The following OPCML variants were observed in gnomAD, a reference collection of about 807,000 sequenced individuals.
The protein encoded by OPCML is opioid binding protein/cell adhesion molecule like.
Under a neutral mutation model 37.8 loss-of-function variants are expected in OPCML, and 13 were observed. That is an observed-to-expected ratio of 0.34 (90% CI 0.22 to 0.55). The LOEUF (loss-of-function observed/expected upper bound fraction) is 0.55. OPCML is among the 20% of genes least tolerant of loss of function. The pLI, the probability that OPCML is intolerant of heterozygous loss-of-function variation, is 0.91. For synonymous variants in OPCML, 176 were observed against 168.8 expected (o/e 1.04, Z -0.33); for missense variants, 341 against 435.6 (o/e 0.78, Z 1.93).
At chr11:133,530,198 G>A (rs938870167) in intron 1 of OPCML, among the ~76,000 whole-genome samples, 18 of 152,088 alleles carry the variant, frequency 1.2e-4, no homozygotes, top group African/African-American at 3.6e-4. Context: ...CTTTAGTTTC[G>A]GGTACTTCTC....
intron 1 of OPCML, among the ~76,000 whole-genome samples, chr11:133,200,054 T>C (rs1349189192): frequency 1.3e-5 from 2 of 152,166 alleles, no homozygotes; most frequent in East Asian, 3.9e-4. Flanking sequence ...AGCCAAATAG[T>C]TCTGCATTGC....
rs904754038 is a variant in OPCML at position 133,531,179 on chromosome 11, C to T, written c.61+1085G>A. Among the ~76,000 whole-genome samples, 6 of 152,160 alleles carry T rather than the reference C, an allele frequency of 3.9e-5. No individual in the cohort carries two copies. In the East Asian group the frequency reaches 1.2e-3, roughly 29 times the overall value. On this transcript the variant is annotated intron_variant, in intron 1 of 7. Coordinates refer to ENST00000524381, the MANE Select transcript of OPCML (RefSeq NM_001012393.5). ...AAAACCTTGGCAAGCATAACCTAGC[C>T]CCTTCGGCATTGTTTGAAAGATGCC...
intron 1 of OPCML, chr11:133,360,183 G>A (rs1944382072): frequency 6.6e-6 from 1 of 152,232 alleles, no homozygotes; most frequent in Non-Finnish European, 1.5e-5. Flanking sequence ...TATCCAGGAA[G>A]GGAAATGTAT....
At chr11:133,024,947 G>A in intron 1 of OPCML, 2 of 985,398 alleles carry the variant, frequency 2.0e-6, no homozygotes. Context: ...CTGAACCAAT[G>A]CGCACTGCAG....
At chr11:132,898,043 G>A (rs1943913468) in intron 2 of OPCML, among the ~76,000 whole-genome samples, 1 of 152,142 alleles carries the variant, frequency 6.6e-6, no homozygotes, top group Non-Finnish European at 1.5e-5. Flanking sequence ...GTGGGCTCAG[G>A]AACAAAGTGG....
At chr11:132,427,075 C>T (rs780865353) in intron 7 of OPCML, among the ~76,000 whole-genome samples, 4 of 152,144 alleles carry the variant, frequency 2.6e-5, no homozygotes, top group Admixed American at 1.3e-4. Flanking sequence ...AATATGACAT[C>T]GATCTCCAGC....
intron 1 of OPCML, among the ~76,000 whole-genome samples, chr11:133,398,938 T>C (rs1592264996): frequency 1.3e-5 from 2 of 152,330 alleles, no homozygotes; most frequent in African/African-American, 4.8e-5. Flanking sequence ...ACATCCATTC[T>C]GCAAGATATC....
chr11:133,294,025 G>A (rs1209445895), intron 1 of OPCML, among the ~76,000 whole-genome samples: 1 of 152,070 alleles, frequency 6.6e-6, no homozygotes, highest in Non-Finnish European at 1.5e-5. Context: ...TGGATCTTCT[G>A]TGTGAGAAGA....
intron 1 of OPCML, among the ~76,000 whole-genome samples, chr11:133,363,296 T>G (rs999615861): frequency 2.0e-5 from 3 of 152,098 alleles, no homozygotes; most frequent in Admixed American, 6.5e-5. Context: ...CAGAACATGA[T>G]CGTGGAAACG....
chr11:133,131,307 C>T (rs781323692), intron 1 of OPCML, among the ~76,000 whole-genome samples: 2 of 152,098 alleles, frequency 1.3e-5, no homozygotes, highest in Admixed American at 1.3e-4. Context: ...AGTCACAGAC[C>T]TTACGTCTTT....
At chr11:133,078,931 G>A (rs891447262) in intron 1 of OPCML, among the ~76,000 whole-genome samples, 1 of 152,060 alleles carries the variant, frequency 6.6e-6, no homozygotes, top group Non-Finnish European at 1.5e-5. Flanking sequence ...GGTTATAAAC[G>A]ACAGATTTTA....
intron 1 of OPCML, among the ~76,000 whole-genome samples, chr11:133,051,019 C>T (rs1948120093): frequency 6.6e-6 from 1 of 151,432 alleles, no homozygotes; most frequent in Admixed American, 6.6e-5. Context: ...CATCTCAGAC[C>T]AGCCTTGCCT....
intron 1 of OPCML, among the ~76,000 whole-genome samples, chr11:133,017,249 G>T (rs1947351057): frequency 1.3e-5 from 2 of 151,946 alleles, no homozygotes; most frequent in South Asian, 4.2e-4. Context: ...CCTCCCAAAG[G>T]CTCTTCCTTC....
chr11:133,444,223 A>C (rs1946425147), intron 1 of OPCML, among the ~76,000 whole-genome samples: 1 of 152,178 alleles, frequency 6.6e-6, no homozygotes, highest in Admixed American at 6.5e-5. Flanking sequence ...GGACGTAGAG[A>C]ATGAACTGCT....
chr11:132,498,766 C>T (rs144168550), intron 4 of OPCML, among the ~76,000 whole-genome samples: 1 of 130,092 alleles, frequency 7.7e-6, no homozygotes, highest in African/African-American at 3.3e-5. Context: ...GCATATAGGA[C>T]CCGAAGAACC....
rs1368625434 is a variant in OPCML, at chr11:133,418,399, T to C, written c.61+113865A>G. 16 of 985,120 alleles carry C rather than the reference T, an allele frequency of 1.6e-5. 1 individual carries two copies. The highest frequency in any genetic ancestry group is 6.2e-5 in the Admixed American group (1 of 16,258). The allele number at this position is 985,120 out of a possible 1,614,324, so 61.0% of individuals were successfully genotyped here. ...TTCAGAAGCCACCTAAATAGATTGG[T>C]GATTGATTGGTGGTTTTTAGAACTG... On this transcript the variant is annotated intron_variant, in intron 1 of 7. Transcript: ENST00000524381.
intron 1 of OPCML, among the ~76,000 whole-genome samples, chr11:133,388,986 G>A (rs937294900): frequency 4.6e-5 from 7 of 152,168 alleles, no homozygotes; most frequent in Non-Finnish European, 8.8e-5. Context: ...GGAAACTGAG[G>A]CACACAGGTT....
intron 6 of OPCML, 184 bp downstream of exon 6, chr11:132,436,475 T>C: frequency 1.1e-6 from 1 of 939,130 alleles, no homozygotes; most frequent in Non-Finnish European, 1.3e-6. Context: ...CAGTTCATTT[T>C]CTCCACTTCC....
intron 1 of OPCML, among the ~76,000 whole-genome samples, chr11:133,327,658 G>A (rs191782317): frequency 2.8e-3 from 433 of 152,234 alleles, no homozygotes; most frequent in Middle Eastern, 6.8e-3. Flanking sequence ...TAGATACATG[G>A]AATTCTATAG....
Sources: allele counts gnomAD v4.1 joint callset (sites outside exome capture counted in the v4.1 genomes callset), GRCh38; gene constraint gnomAD v4.1.1; transcripts MANE v1.5; gene names NCBI Gene and HGNC (gene_info 2026-07-23, HGNC 2026-07-21).